The following RAB11FIP4 variants were observed in gnomAD, a reference collection of about 807,000 sequenced individuals.
RAB11FIP4 encodes rab11 family-interacting protein 4.
RAB11FIP4 carries 23 observed loss-of-function variants against 74.3 expected under a neutral mutation model. That is an observed-to-expected ratio of 0.31 (90% confidence interval 0.22 to 0.44). RAB11FIP4 has a LOEUF of 0.44. Ranked by LOEUF, RAB11FIP4 falls within the 20% of genes least tolerant of loss-of-function variation. RAB11FIP4 has a pLI of 1.00. For missense variants in RAB11FIP4, 630 were observed against 863.9 expected (o/e 0.73, Z 3.39); for synonymous variants, 360 against 359.9 (o/e 1.00, Z 0.00).
chr17:31,517,514 G>C lies in RAB11FIP4; in HGVS notation c.337-137G>C, dbSNP rs552717760. On this transcript the variant is annotated intron_variant, in intron 3 of 14. Transcript: ENST00000621161. ...CTAATCACCTGCCAGGTGTTCCCAC[G>C]CTTAGGGTTCGGGATCTGGGCCTCC... is the stretch of plus-strand genomic sequence containing the variant. The C allele has an allele frequency of 2.2e-5, 17 of 756,292 alleles. No individual in the cohort carries two copies. The East Asian group carries it at 4.6e-4, about 20-fold the overall frequency. The allele number at this position is 756,292 out of a possible 1,614,324, so 46.8% of individuals were successfully genotyped here. A position where few individuals can be genotyped will look rare whatever the true frequency, so the allele number is the denominator to read the frequency against.
At chr17:31,479,025 C>T (rs1315024508) in intron 3 of RAB11FIP4, among the ~76,000 whole-genome samples, 1 of 152,200 alleles carries the variant, frequency 6.6e-6, no homozygotes, top group Non-Finnish European at 1.5e-5. Flanking sequence ...GAGTCCTGAA[C>T]GTGGGCCAGA....
chr17:31,520,710 T>C (rs1193655447), intron 4 of RAB11FIP4, among the ~76,000 whole-genome samples: 1 of 152,156 alleles, frequency 6.6e-6, no homozygotes, highest in East Asian at 1.9e-4. Flanking sequence ...GGTTTCACCA[T>C]GTTAGCCAGG....
chr17:31,475,103 G>A (rs1295795822), intron 3 of RAB11FIP4, among the ~76,000 whole-genome samples: 3 of 152,080 alleles, frequency 2.0e-5, no homozygotes, highest in Admixed American at 2.0e-4. Flanking sequence ...AACCTTGAAG[G>A]GGATGGGGTC....
At chr17:31,399,769 C>T (rs986561531) in intron 1 of RAB11FIP4, among the ~76,000 whole-genome samples, 1 of 149,898 alleles carries the variant, frequency 6.7e-6, no homozygotes, top group Non-Finnish European at 1.5e-5. Context: ...CTAGGCCCAG[C>T]GCAGTGGCTC....
chr17:31,509,975 C>G (rs1185119944), intron 3 of RAB11FIP4, among the ~76,000 whole-genome samples: 2 of 152,174 alleles, frequency 1.3e-5, no homozygotes, highest in Non-Finnish European at 2.9e-5. Context: ...TGATAAGTAC[C>G]CAGCCTTGCA....
chr17:31,478,681 G>A (rs755921830), intron 3 of RAB11FIP4, among the ~76,000 whole-genome samples: 9 of 152,196 alleles, frequency 5.9e-5, no homozygotes, highest in Non-Finnish European at 1.2e-4. Context: ...GTAGCAGCCA[G>A]GGAAATGGCA....
intron 1 of RAB11FIP4, among the ~76,000 whole-genome samples, chr17:31,421,918 GCCTGTAATC>G (rs2071203456): frequency 6.6e-6 from 1 of 152,066 alleles, no homozygotes; most frequent in South Asian, 2.1e-4. Context: ...TGTGGCTCAT[GCCTGTAATC>G]CCAGCACTTT....
At chr17:31,453,368 AAAAAAAAAAAAAC>A (rs2071544199) in intron 3 of RAB11FIP4, among the ~76,000 whole-genome samples, 2 of 148,494 alleles carry the variant, frequency 1.3e-5, no homozygotes, top group South Asian at 4.2e-4. Context: ...AAAAAAAAAA[AAAAAAAAAAAAAC>A]AAACCTGGGG....
chr17:31,474,870 C>CAAAA lies in RAB11FIP4; in HGVS notation c.336+40749_336+40752dup, dbSNP rs1192733364. Reference sequence around the variant, plus strand: ...AAAAACAAAACAAAACAAAACAAAACAAAACAAAAAACAAAAAAAAAACAG... The same window carrying CAAAA: ...AAAAACAAAACAAAACAAAACAAAACAAAAAAAACAAAAAACAAAAAAAAAACAG... On this transcript the variant is annotated intron_variant, in intron 3 of 14. Transcript: ENST00000621161. Among the ~76,000 whole-genome samples the CAAAA allele has an allele frequency of 1.1e-3, 127 of 116,790 alleles. 1 individual carries two copies. The highest frequency in any genetic ancestry group is 3.7e-3 in the African/African-American group (124 of 33,210). 76.6% of individuals were successfully genotyped at this position (116,790 alleles called of 152,430 possible). A position where few individuals can be genotyped will look rare whatever the true frequency, so the allele number is the denominator to read the frequency against.
At chr17:31,418,810 T>C (rs570448170) in intron 1 of RAB11FIP4, among the ~76,000 whole-genome samples, 3 of 152,326 alleles carry the variant, frequency 2.0e-5, no homozygotes, top group Admixed American at 2.0e-4. Context: ...AAATTGTTTT[T>C]ACTTTACATA....
chr17:31,515,773 G>A (rs1304884277), intron 3 of RAB11FIP4, among the ~76,000 whole-genome samples: 1 of 152,210 alleles, frequency 6.6e-6, no homozygotes, highest in Non-Finnish European at 1.5e-5. Context: ...CACCTGAGAA[G>A]TACCTACTTC....
At chr17:31,525,466 C>G (rs1018922425) in intron 10 of RAB11FIP4, 1 of 556,050 alleles carries the variant, frequency 1.8e-6, no homozygotes. Context: ...GTAATGCAAA[C>G]CACACAAATG....
intron 3 of RAB11FIP4, among the ~76,000 whole-genome samples, chr17:31,480,562 T>C (rs1040056948): frequency 4.6e-5 from 7 of 151,662 alleles, no homozygotes; most frequent in Non-Finnish European, 1.0e-4. Context: ...CCGAGGTGGG[T>C]GGATCGCTTT....
intron 3 of RAB11FIP4, among the ~76,000 whole-genome samples, chr17:31,475,730 GCT>G (rs1398646853): frequency 2.0e-5 from 3 of 151,758 alleles, no homozygotes; most frequent in Non-Finnish European, 4.4e-5. Context: ...TCTTGTTTCA[GCT>G]CTCATACTGT....
chr17:31,396,192 AAAAAAG>A (rs1444743245), intron 1 of RAB11FIP4, among the ~76,000 whole-genome samples: 133 of 125,662 alleles, frequency 1.1e-3, no homozygotes, highest in African/African-American at 3.1e-3. Context: ...ACAAAAAAAA[AAAAAAG>A]AAAAGAAAAG....
At chr17:31,405,952 C>T (rs536633556) in intron 1 of RAB11FIP4, among the ~76,000 whole-genome samples, 42 of 151,860 alleles carry the variant, frequency 2.8e-4, no homozygotes, top group South Asian at 1.2e-3. Flanking sequence ...TCCCAGGCAC[C>T]GACTGGCCCT....
chr17:31,471,745 C>T (rs976544945), intron 3 of RAB11FIP4, among the ~76,000 whole-genome samples: 3 of 152,200 alleles, frequency 2.0e-5, no homozygotes, highest in African/African-American at 7.2e-5. Context: ...CCCCACCCTG[C>T]TGCTGCCCAG....
chr17:31,409,426 G>A (rs922753215), intron 1 of RAB11FIP4, among the ~76,000 whole-genome samples: 3 of 152,176 alleles, frequency 2.0e-5, no homozygotes, highest in Admixed American at 2.0e-4. Context: ...TGGAATGGAT[G>A]AGTCTCCACT....
chr17:31,408,020 C>A (rs1262368508), intron 1 of RAB11FIP4, among the ~76,000 whole-genome samples: 3 of 151,924 alleles, frequency 2.0e-5, no homozygotes, highest in Non-Finnish European at 4.4e-5. Context: ...AAAAAAAATT[C>A]TTTCCTTCCA....
Sources: gnomAD v4.1 joint callset for allele counts (sites outside exome capture counted in the v4.1 genomes callset) on GRCh38, gnomAD v4.1.1 for gene constraint, MANE v1.5 for transcripts, NCBI Gene and HGNC (gene_info 2026-07-23, HGNC 2026-07-21) for gene names.